Variants in DDX60 observed in about 807,000 individuals in gnomAD.
DDX60 encodes probable ATP-dependent RNA helicase DDX60.
A neutral mutation model predicts 212.8 loss-of-function variants in DDX60; 165 were observed. The ratio of observed to expected loss-of-function variants is 0.78; its 90% CI spans 0.68 to 0.88. The LOEUF is 0.88. Ranked by LOEUF, DDX60 falls within the 40% of genes least tolerant of loss-of-function variation. The probability of loss-of-function intolerance (pLI) is 0.00; values close to 1 mark genes in which losing one functional copy is unlikely to be tolerated. For missense variants in DDX60, 1,905 were observed against 2,003.9 expected, an observed-to-expected ratio of 0.95 and a Z score of 0.94; for synonymous variants, 703 against 685.3, an observed-to-expected ratio of 1.03 and a Z score of -0.40.
At chr4:168,304,057 A>T (rs1579077963) in intron 5 of DDX60, among the ~76,000 whole-genome samples, 1 of 152,326 alleles carries the variant, frequency 6.6e-6, no homozygotes, top group Non-Finnish European at 1.5e-5. Flanking sequence ...GATAAAAATG[A>T]CTGCTACTGA....
In DDX60 at chr4:168,287,062, G is replaced by A; in HGVS notation, c.1325C>T (p.Pro442Leu). ...TTKVCFLEKKPSPIKDSSNEM... is the reference protein window; with the variant it reads ...TTKVCFLEKKLSPIKDSSNEM... ...AAATTTATTACCTTTGATTGGTGATGGTTTCTTTTCAAGAAAACAAACTTT... is the reference window on the plus strand; with the variant it reads ...AAATTTATTACCTTTGATTGGTGATAGTTTCTTTTCAAGAAAACAAACTTT... Residue 442 changes from proline (P) to leucine (L), a missense_variant, in exon 10 of 38, where the codon CCA (proline) becomes CTA (leucine). By Grantham distance (98) the Pro-to-Leu change is moderately conservative. Transcript: ENST00000393743. 2 of 1,604,380 alleles carry A rather than the reference G, an allele frequency of 1.2e-6. No individual in the cohort carries two copies. Among genetic ancestry groups the A allele is most frequent in the South Asian group, 1.1e-5 (1 of 88,600 alleles).
At chr4:168,237,054 GA>G (rs1733653456) in intron 32 of DDX60, among the ~76,000 whole-genome samples, 1 of 151,648 alleles carries the variant, frequency 6.6e-6, no homozygotes, top group Non-Finnish European at 1.5e-5. Flanking sequence ...AGGAATCACT[GA>G]AGTTAATATT....
intron 15 of DDX60, 60 bp from the exon 16 acceptor site, chr4:168,275,563 A>G (rs1183983716): frequency 7.1e-7 from 1 of 1,417,622 alleles, no homozygotes; most frequent in Non-Finnish European, 9.6e-7. Context: ...CATTTAAATA[A>G]GTAAAACATT....
chr4:168,274,128 T>G (rs374861973), intron 16 of DDX60, 45 bp from the exon 17 acceptor site: 9 of 1,609,966 alleles, frequency 5.6e-6, no homozygotes, highest in Non-Finnish European at 6.8e-6. Context: ...CTGAACCGTA[T>G]GTTACCAAAA....
chr4:168,237,415 G>T lies in DDX60; in HGVS notation c.4282C>A (p.Gln1428Lys), dbSNP rs370496559. 8 of 1,574,234 alleles carry T rather than the reference G, an allele frequency of 5.1e-6. No individual in the cohort carries two copies. In the African/African-American group the frequency reaches 6.8e-5, roughly 13 times the overall value. ...GCAAACCCCATAGGATTACCTTCTT[G>T]ATCTAAATAGCCCTAAAGAACAAAA... is the stretch of plus-strand genomic sequence containing the variant. The part of the protein sequence containing the change: ...QFLVKEGYLD[Q>K]EGNPMGFAGL... Residue 1428 changes from glutamine to lysine, a missense_variant, in exon 32 of 38, where the codon CAA (glutamine) becomes AAA (lysine). By Grantham distance (53) the Gln-to-Lys change is moderately conservative (BLOSUM62 1). Transcript: ENST00000393743.
At chr4:168,225,153 C>G (rs1025767965) in intron 34 of DDX60, among the ~76,000 whole-genome samples, 2 of 151,974 alleles carry the variant, frequency 1.3e-5, no homozygotes, top group African/African-American at 4.8e-5. Flanking sequence ...TAATAAGTAG[C>G]AGAACCAGAG....
intron 35 of DDX60, among the ~76,000 whole-genome samples, chr4:168,222,511 T>C (rs575209068): frequency 8.9e-4 from 136 of 152,186 alleles, no homozygotes; most frequent in Non-Finnish European, 1.7e-3. Context: ...CATACATAAA[T>C]ATCTATGAAT....
In DDX60 at chr4:168,272,077, C is replaced by T; in HGVS notation, c.2636G>A (p.Trp879Ter). ...TATAACATATCTGATCTTTTTCACCCAGTTTTGGCGATGAGGAGCAAGCAG... is the reference window on the plus strand; with the variant it reads ...TATAACATATCTGATCTTTTTCACCTAGTTTTGGCGATGAGGAGCAAGCAG... The part of the protein sequence containing the change: ...ILLLAPHRQN[W>*]VKKIRYVIFD... Residue 879 changes from tryptophan (W) to a stop codon, truncating the protein, a stop_gained, in exon 19 of 38, where the codon TGG becomes TAG. Coordinates refer to ENST00000393743, the MANE Select transcript of DDX60 (RefSeq NM_017631.6). LOFTEE classifies it high-confidence loss of function. The T allele has an allele frequency of 6.3e-7, 1 of 1,587,360 alleles. No individual in the cohort carries two copies. The highest frequency in any genetic ancestry group is 8.6e-7 in the Non-Finnish European group (1 of 1,164,094).
At chr4:168,317,584 C>G (rs1737451108) in intron 1 of DDX60, among the ~76,000 whole-genome samples, 2 of 152,098 alleles carry the variant, frequency 1.3e-5, no homozygotes, top group African/African-American at 4.8e-5. Context: ...TGGAGAAGAG[C>G]TGGTGGGTTA....
intron 7 of DDX60, 123 bp from the exon 8 acceptor site, chr4:168,292,029 C>CTTTT: frequency 2.5e-6 from 1 of 394,230 alleles, no homozygotes. Flanking sequence ...TTATTCCTTT[C>CTTTT]TTTCTTTCTT....
chr4:168,257,902 T>G, intron 25 of DDX60, among the ~76,000 whole-genome samples: 1 of 152,282 alleles, frequency 6.6e-6, no homozygotes, highest in South Asian at 2.1e-4. Context: ...AGTTCTTTGG[T>G]TTTGGAGACG....
Position 168,221,758 on chromosome 4 carries a change from A to T in DDX60, c.4948T>A (p.Ser1650Thr). ...TTATCCTGGACTAATCCTATCAAGG[A>T]ACCATGTTTGTAGAAATCCAGTGCA... The part of the protein sequence containing the change: ...AYALDFYKHG[S>T]LIGLVQDNRM... The change falls in exon 36 of 38, where the codon TCC (serine) becomes ACC (threonine). Residue 1650 changes from serine (S) to threonine (T), a missense_variant. Coordinates refer to ENST00000393743, the MANE Select transcript of DDX60 (RefSeq NM_017631.6). The T allele has an allele frequency of 6.2e-7, 1 of 1,612,922 alleles. No individual in the cohort carries two copies. The highest frequency in any genetic ancestry group is 8.5e-7 in the Non-Finnish European group (1 of 1,179,244).
In DDX60 at chr4:168,311,211, G is replaced by A. The variant is rs200010960; in HGVS notation, c.4+45C>T. The A allele has an allele frequency of 5.1e-4, 815 of 1,598,076 alleles. 1 individual carries two copies. Among genetic ancestry groups the A allele is most frequent in the Non-Finnish European group, 6.7e-4 (786 of 1,167,884 alleles). ...CCATTAAATCTATGTAGTTTACAGG[G>A]TAACATTGTTTTATAATCTATAAAT... On this transcript the variant is annotated intron_variant, in intron 2 of 37. Coordinates refer to ENST00000393743, the MANE Select transcript of DDX60 (RefSeq NM_017631.6).
intron 13 of DDX60, among the ~76,000 whole-genome samples, chr4:168,282,731 C>G (rs1044470503): frequency 6.6e-6 from 1 of 151,990 alleles, no homozygotes; most frequent in Non-Finnish European, 1.5e-5. Context: ...TGACCTGCCT[C>G]TAAAGTCAGA....
At chr4:168,235,294 C>A (rs1285602137) in intron 33 of DDX60, among the ~76,000 whole-genome samples, 1 of 152,020 alleles carries the variant, frequency 6.6e-6, no homozygotes, top group Non-Finnish European at 1.5e-5. Context: ...GCTTGAGTCA[C>A]CATGTCTGGC....
At chr4:168,242,244 T>G (rs905681566) in intron 30 of DDX60, among the ~76,000 whole-genome samples, 4 of 152,192 alleles carry the variant, frequency 2.6e-5, no homozygotes, top group Admixed American at 2.0e-4. Context: ...AGGGAAAATA[T>G]GGGGTTGGAG....
intron 16 of DDX60, among the ~76,000 whole-genome samples, 160 bp from the exon 17 acceptor site, chr4:168,274,243 T>C (rs1430134143): frequency 6.6e-6 from 1 of 152,244 alleles, no homozygotes; most frequent in Non-Finnish European, 1.5e-5. Context: ...ATCATTTTTA[T>C]GCTTTTGAAC....
chr4:168,233,853 C>T (rs1733538808), intron 33 of DDX60, among the ~76,000 whole-genome samples: 2 of 151,674 alleles, frequency 1.3e-5, no homozygotes, highest in African/African-American at 4.8e-5. Context: ...CCAAAACCTA[C>T]TGAAATAAAA....
At chr4:168,243,436 T>C (rs1473639039) in intron 30 of DDX60, among the ~76,000 whole-genome samples, 4 of 151,912 alleles carry the variant, frequency 2.6e-5, no homozygotes, top group African/African-American at 4.8e-5. Flanking sequence ...ACCCATTAAA[T>C]AGTGGGCAAA....
Sources: gnomAD v4.1 joint callset for allele counts (sites outside exome capture counted in the v4.1 genomes callset) on GRCh38, gnomAD v4.1.1 for gene constraint, MANE v1.5 for transcripts, NCBI Gene and HGNC (gene_info 2026-07-23, HGNC 2026-07-21) for gene names.